ERN2: variants seen among roughly 807,000 people sequenced by gnomAD.
ERN2 encodes endoplasmic reticulum to nucleus signaling 2.
In ERN2, 111 loss-of-function variants were observed where a neutral mutation model predicts 107.9. The ratio of observed to expected loss-of-function variants is 1.03; its 90% confidence interval spans 0.88 to 1.20. The LOEUF (loss-of-function observed/expected upper bound fraction) is 1.20, where lower values mean the gene tolerates loss of function less well. Among genes scored for constraint, ERN2 ranks in the 50% most tolerant of loss-of-function variants. The probability of loss-of-function intolerance (pLI) is 0.00; values close to 1 mark genes in which losing one functional copy is unlikely to be tolerated. For missense variants in ERN2, 1,225 were observed against 1,197.9 expected (o/e 1.02, Z -0.33); for synonymous variants, 524 against 501.7 (o/e 1.04, Z -0.59).
At chr16:23,710,665 AATGC>A (rs1384700723) in intron 2 of ERN2, 116 bp from the exon 3 acceptor site, 9 of 1,220,722 alleles carry the variant, frequency 7.4e-6, no homozygotes, top group Non-Finnish European at 1.1e-5. Context: ...GTGTGAATGT[AATGC>A]CATCTTCCCA....
Position 23,706,746 on chromosome 16 carries a change from CA to C in ERN2, c.487+7del, listed in dbSNP as rs775841709. On this transcript the variant is annotated splice_region_variant and intron_variant, in intron 6 of 21. Coordinates refer to ENST00000256797, the MANE Select transcript of ERN2 (RefSeq NM_033266.4). The stretch of plus-strand genomic sequence containing the variant: ...CAGAGCTTGAGGAACAGCTGGGGCC[CA>C]ACTCACGTGTTCGGCCAATGTAGAG... 1.3e-6 allele frequency: 2 copies of C among 1,582,250 alleles called. No homozygotes were observed. Among genetic ancestry groups the C allele is most frequent in the Admixed American group, 3.5e-5 (2 of 57,334 alleles).
intron 13 of ERN2, among the ~76,000 whole-genome samples, chr16:23,697,948 G>A (rs1400132421): frequency 1.3e-5 from 2 of 152,196 alleles, no homozygotes; most frequent in Non-Finnish European, 2.9e-5. Context: ...AATTTTTGTA[G>A]AGATGGGGCT....
At position 23,703,268 on chromosome 16, in the gene ERN2, G is replaced by A. The variant is rs76436633; in HGVS notation, c.855-566C>T. ...TTTCTAAATATAAACTCATTACATC[G>A]TCCTTTACTTCTTCCTCCTTCTTCT... On this transcript the variant is annotated intron_variant, in intron 8 of 21. Transcript: ENST00000256797. Among the ~76,000 whole-genome samples the A allele has an allele frequency of 5.8e-3, 889 of 151,984 alleles. 7 individuals are homozygous for A. Among genetic ancestry groups the A allele is most frequent in the Non-Finnish European group, 7.9e-3 (535 of 68,002 alleles).
At chr16:23,692,999 A>C (rs1227791357) in intron 17 of ERN2, among the ~76,000 whole-genome samples, 1 of 152,018 alleles carries the variant, frequency 6.6e-6, no homozygotes, top group Non-Finnish European at 1.5e-5. Context: ...CAGAAATCCA[A>C]ATTTTATGTG....
At chr16:23,697,976 CT>C (rs1258797042) in intron 13 of ERN2, among the ~76,000 whole-genome samples, 30 of 152,134 alleles carry the variant, frequency 2.0e-4, no homozygotes, top group Admixed American at 2.0e-3. Context: ...GTTGCCCAGG[CT>C]GGGCTCAAGC....
intron 8 of ERN2, among the ~76,000 whole-genome samples, chr16:23,704,567 T>C (rs549521288): frequency 1.3e-5 from 2 of 152,206 alleles, no homozygotes; most frequent in African/African-American, 4.8e-5. Flanking sequence ...TAAACCTCTT[T>C]CTTTTGTAAA....
intron 4 of ERN2, among the ~76,000 whole-genome samples, chr16:23,707,990 T>C (rs1201210754): frequency 6.6e-6 from 1 of 152,192 alleles, no homozygotes; most frequent in East Asian, 1.9e-4. Flanking sequence ...TGCTCTAGCT[T>C]CCTGCTGGGT....
chr16:23,706,726 C>T, intron 6 of ERN2, 28 bp downstream of exon 6: 1 of 1,496,050 alleles, frequency 6.7e-7, no homozygotes, highest in South Asian at 1.1e-5. Flanking sequence ...CTGCCCAGAG[C>T]TTGAGGAACA....
chr16:23,693,177 C>T (rs2141004763), intron 17 of ERN2, among the ~76,000 whole-genome samples: 1 of 151,910 alleles, frequency 6.6e-6, no homozygotes, highest in Non-Finnish European at 1.5e-5. Context: ...GCCTGTAGTC[C>T]CAGCTACTTG....
chr16:23,691,847 T>C, intron 19 of ERN2, 116 bp downstream of exon 19: 1 of 1,385,858 alleles, frequency 7.2e-7, no homozygotes, highest in Non-Finnish European at 9.7e-7. Flanking sequence ...AGAGCCAGGC[T>C]CCCAGGACCA....
chr16:23,702,660 G>GAC lies in ERN2; in HGVS notation c.895_896dup (p.Lys301LeufsTer16). 1.9e-6 allele frequency: 3 copies of GAC among 1,614,214 alleles called. No individual in the cohort carries two copies. Among genetic ancestry groups the GAC allele is most frequent in the Non-Finnish European group, 2.5e-6 (3 of 1,180,038 alleles). On this transcript the variant is annotated frameshift_variant, in exon 9 of 22. Transcript: ENST00000256797. LOFTEE classifies it high-confidence loss of function. ...CTCCTGTGTGGACCAGTGCTTTAGAGACATAGAAGCCAGTTTCATCCTTCC... is the reference window on the plus strand; with the variant it reads ...CTCCTGTGTGGACCAGTGCTTTAGAGACACATAGAAGCCAGTTTCATCCTTCC...
Position 23,702,929 on chromosome 16 carries a change from C to T in ERN2, c.855-227G>A, listed in dbSNP as rs113976559. On this transcript the variant is annotated intron_variant, in intron 8 of 21. Transcript: ENST00000256797. ...ATTTTTCTTTAGACCCTGAGACCAC[C>T]GTGGGAGAAAACCCAGGCTAGCCTG... Among the ~76,000 whole-genome samples the T allele has an allele frequency of 1.3e-3, 202 of 152,098 alleles. 3 individuals carry two copies. Among genetic ancestry groups the T allele is most frequent in the African/African-American group, 4.4e-3 (184 of 41,482 alleles).
rs1305014931 is a variant in ERN2 at position 23,705,050 on chromosome 16, C to T, written c.687G>A (p.Val229=). 1.9e-6 allele frequency: 3 copies of T among 1,613,772 alleles called. No homozygotes were observed. The highest frequency in any genetic ancestry group is 2.5e-6 in the Non-Finnish European group (3 of 1,179,984). ...CCTGGTGCCAGGTGTAGACGCCCATCACAGGCACGCCCAGGTCCTGTGTCC... is the reference window on the plus strand; with the variant it reads ...CCTGGTGCCAGGTGTAGACGCCCATTACAGGCACGCCCAGGTCCTGTGTCC... ...VLWTQDLGVP[V]MGVYTWHQDG... is the part of the protein sequence containing the mutation. The change falls in exon 8 of 22, where the codon GTG becomes GTA. Residue 229 remains valine, a synonymous_variant. Transcript: ENST00000256797.
In ERN2 at chr16:23,705,113, C is replaced by G. The variant is rs763048017; in HGVS notation, c.624G>C (p.Leu208=). The G allele has an allele frequency of 6.2e-6, 10 of 1,613,432 alleles. No homozygotes were observed. Among genetic ancestry groups the G allele is most frequent in the Middle Eastern group, 1.6e-4 (1 of 6,078 alleles). Residue 208 remains leucine (L), a synonymous_variant, in exon 8 of 22, where the codon CTG becomes CTC. Coordinates refer to ENST00000256797, the MANE Select transcript of ERN2 (RefSeq NM_033266.4). ...MSHLASCGMG[L]LLTVDPGSGT... is the part of the protein sequence containing the mutation. ...CGCTTCCTGGGTCCACAGTGAGCAG[C>G]AGGCCCATCCCGCAGGACGCCAGGT...
Position 23,690,434 on chromosome 16 carries a change from C to T in ERN2, c.*397G>A, listed in dbSNP as rs1442025837. The T allele has an allele frequency of 2.2e-6, 1 of 457,406 alleles. No individual in the cohort carries two copies. Among genetic ancestry groups the T allele is most frequent in the Non-Finnish European group, 4.0e-6 (1 of 249,576 alleles). The allele number at this position is 457,406 out of a possible 1,614,324, so 28.3% of individuals were successfully genotyped here. A position where few individuals can be genotyped will look rare whatever the true frequency, so the allele number is the denominator to read the frequency against. ...AGCGAACATCTCTGCTTCATCAGCC[C>T]CAGGCTGCCCAGCCTCTGCCAGTCT... On this transcript the variant is annotated 3_prime_UTR_variant, in exon 22 of 22. Transcript: ENST00000256797.
rs944968607 is a variant in ERN2, at chr16:23,713,154, G to T, written c.34C>A (p.Pro12Thr). 6.4e-7 allele frequency: 1 copy of T among 1,574,004 alleles called. No individual in the cohort carries two copies. The highest frequency in any genetic ancestry group is 8.6e-7 in the Non-Finnish European group (1 of 1,165,904). Residue 12 changes from proline to threonine, a missense_variant, in exon 1 of 22, where the codon CCC becomes ACC. Physicochemically the swap from Pro to Thr is conservative, Grantham distance 38. Coordinates refer to ENST00000256797, the MANE Select transcript of ERN2 (RefSeq NM_033266.4). ...ASAVRGSRPW[P>T]RLGLQLQFAA... ...AACTGGAGCTGGAGCCCCAGCCGGGGCCACGGCCTCGACCCCCTGACCGCA... is the reference window on the plus strand; with the variant it reads ...AACTGGAGCTGGAGCCCCAGCCGGGTCCACGGCCTCGACCCCCTGACCGCA...
chr16:23,700,345 T>A lies in ERN2; in HGVS notation c.1525+194A>T, dbSNP rs531800860. Among the ~76,000 whole-genome samples the A allele has an allele frequency of 2.2e-4, 33 of 152,092 alleles. No individual in the cohort carries two copies. In the South Asian group the frequency reaches 6.0e-3, roughly 28 times the overall value. On this transcript the variant is annotated intron_variant, in intron 13 of 21. Transcript: ENST00000256797. ...GAGCAAGATCCTGTCTCCAAAAAAA[T>A]AATGATGAAAAAATGACAGCAGACA...
At chr16:23,691,857 A>G in intron 19 of ERN2, 106 bp downstream of exon 19, 1 of 1,429,738 alleles carries the variant, frequency 7.0e-7, no homozygotes, top group South Asian at 1.4e-5. Flanking sequence ...TCCCAGGACC[A>G]GGTAGCTCTT....
chr16:23,691,083 GC>G (rs749242556), intron 21 of ERN2, 40 bp from the exon 22 acceptor site: 27 of 1,613,766 alleles, frequency 1.7e-5, no homozygotes, highest in Non-Finnish European at 1.9e-5. Flanking sequence ...CTCAGCTGCG[GC>G]CAGGCCTTCC....
Sources: gnomAD v4.1 joint callset for allele counts (sites outside exome capture counted in the v4.1 genomes callset) on GRCh38, gnomAD v4.1.1 for gene constraint, MANE v1.5 for transcripts, NCBI Gene and HGNC (gene_info 2026-07-23, HGNC 2026-07-21) for gene names.